VAMP1: variants seen among roughly 807,000 people sequenced by gnomAD.
VAMP1 encodes the protein vesicle associated membrane protein 1, also known as vesicle-associated membrane protein 1.
In VAMP1, 16 loss-of-function variants were observed where a neutral mutation model predicts 19.1. The observed-to-expected ratio is 0.84, with a 90% CI of 0.57 to 1.27. VAMP1 has a LOEUF of 1.27. VAMP1 is among the 50% of genes most tolerant of loss of function. The pLI is 0.00. For missense variants in VAMP1, 109 were observed against 145.4 expected, an observed-to-expected ratio of 0.75 and a Z score of 1.29; for synonymous variants, 37 against 50.2, an observed-to-expected ratio of 0.74 and a Z score of 1.11.
chr12:6,468,919 A>T (rs921933282), intron 1 of VAMP1, among the ~76,000 whole-genome samples: 2 of 152,246 alleles, frequency 1.3e-5, no homozygotes, highest in Non-Finnish European at 1.5e-5. Context: ...AACATACTTC[A>T]CAGGAGCAGT....
rs1264769503 is a variant in VAMP1 at position 6,462,830 on chromosome 12, C to A, written c.*1640G>T. On this transcript the variant is annotated 3_prime_UTR_variant, in exon 5 of 5. Coordinates refer to ENST00000396308, the MANE Select transcript of VAMP1 (RefSeq NM_014231.5). ...GGGTACTGACTGCTTTCTTCCAGCT[C>A]TTCAGTCCCGCCCTTGGGCAGGACG... The A allele has an allele frequency of 6.2e-7, 1 of 1,606,046 alleles. No individual in the cohort carries two copies. The highest frequency in any genetic ancestry group is 8.5e-7 in the Non-Finnish European group (1 of 1,176,132).
Position 6,463,472 on chromosome 12 carries a change from A to G in VAMP1, c.*998T>C, listed in dbSNP as rs1215299977. On this transcript the variant is annotated 3_prime_UTR_variant, in exon 5 of 5. Transcript: ENST00000396308. The surrounding 1 kb of genome is among the most constrained non-coding windows in gnomAD (Gnocchi z 4.0). ...TTCCATGGGTGTCCAAAGATCTCAC[A>G]CTGCTAACACCCTCACGCTCCTTCA... The G allele has an allele frequency of 1.1e-5, 11 of 1,039,892 alleles. No homozygotes were observed. Among genetic ancestry groups the G allele is most frequent in the Non-Finnish European group, 1.3e-5 (11 of 861,964 alleles). The allele number at this position is 1,039,892 out of a possible 1,614,324, so 64.4% of individuals were successfully genotyped here. A position where few individuals can be genotyped will look rare whatever the true frequency, so the allele number is the denominator to read the frequency against.
Position 6,462,679 on chromosome 12 carries a change from G to T in VAMP1, c.*1791C>A, listed in dbSNP as rs962302460. On this transcript the variant is annotated 3_prime_UTR_variant, in exon 5 of 5. Transcript: ENST00000396308. ...TGTGATAGGGCTGGGAGAGCCAAGAGGACGGATTCGCTCCAGGCTTGGGAC... is the reference window on the plus strand; with the variant it reads ...TGTGATAGGGCTGGGAGAGCCAAGATGACGGATTCGCTCCAGGCTTGGGAC... The T allele has an allele frequency of 8.5e-6, 7 of 825,180 alleles. No individual in the cohort carries two copies. In the African/African-American group the frequency reaches 8.7e-5, roughly 10 times the overall value. 51.1% of individuals were successfully genotyped at this position (825,180 alleles called of 1,614,324 possible).
chr12:6,470,383 G>T, intron 1 of VAMP1, 147 bp downstream of exon 1: 2 of 1,217,160 alleles, frequency 1.6e-6, no homozygotes, highest in Admixed American at 2.0e-5. Context: ...CCTCCCTGGG[G>T]GTGGCCCGGT....
chr12:6,466,319 G>T lies in VAMP1; in HGVS notation c.35C>A (p.Thr12Lys). The T allele has an allele frequency of 6.2e-7, 1 of 1,614,092 alleles. No individual in the cohort carries two copies. ...ACCCCCACCTGGGGCAGTCCCTTCT[G>T]TCCCTTCAGCAGGTGGCTGAGCTGG... ...SAPAQPPAEG[T>K]EGTAPGGGPP... Residue 12 changes from threonine (T) to lysine (K), a missense_variant, in exon 2 of 5, where the codon ACA becomes AAA. Thr to Lys is a moderately conservative substitution (Grantham distance 78). Transcript: ENST00000396308.
intron 3 of VAMP1, chr12:6,465,455 T>TATAA (rs1949997383): frequency 3.4e-5 from 4 of 117,704 alleles, no homozygotes; most frequent in African/African-American, 1.6e-4. Flanking sequence ...TATATACATA[T>TATAA]GTGTATATAT....
At position 6,470,638 on chromosome 12, in the gene VAMP1, G is replaced by C. The variant is rs1041466133; in HGVS notation, c.-107C>G. Reference sequence around the variant, plus strand: ...GGACGGAACTGCCAAGCTCCGCCTCGCGCCGACTACCCCGCGGTCTAGCTG... The same window carrying C: ...GGACGGAACTGCCAAGCTCCGCCTCCCGCCGACTACCCCGCGGTCTAGCTG... On this transcript the variant is annotated 5_prime_UTR_variant, in exon 1 of 5. Coordinates refer to ENST00000396308, the MANE Select transcript of VAMP1 (RefSeq NM_014231.5). 9.5e-6 allele frequency: 14 copies of C among 1,478,628 alleles called. No individual in the cohort carries two copies. The highest frequency in any genetic ancestry group is 9.3e-5 in the South Asian group (8 of 86,202). The allele number at this position is 1,478,628 out of a possible 1,614,324, so 91.6% of individuals were successfully genotyped here.
Position 6,462,470 on chromosome 12 carries a change from G to C in VAMP1, c.*2000C>G. ...AAGCTCAGCTTCATTTGACTGCAAA[G>C]TCCCAGGGTTTTGTTGCACATTTGC... On this transcript the variant is annotated 3_prime_UTR_variant, in exon 5 of 5. Transcript: ENST00000396308. The C allele has an allele frequency of 2.0e-6, 1 of 499,854 alleles. No homozygotes were observed. The highest frequency in any genetic ancestry group is 3.6e-6 in the Non-Finnish European group (1 of 281,194). 31.0% of individuals were successfully genotyped at this position (499,854 alleles called of 1,614,324 possible). A position where few individuals can be genotyped will look rare whatever the true frequency, so the allele number is the denominator to read the frequency against.
In VAMP1 at chr12:6,463,927, A is replaced by G; in HGVS notation, c.*543T>C. 7.8e-7 allele frequency: 1 copy of G among 1,288,282 alleles called. No individual in the cohort carries two copies. Among genetic ancestry groups the G allele is most frequent in the Non-Finnish European group, 1.0e-6 (1 of 988,538 alleles). The allele number at this position is 1,288,282 out of a possible 1,614,324, so 79.8% of individuals were successfully genotyped here. A position where few individuals can be genotyped will look rare whatever the true frequency, so the allele number is the denominator to read the frequency against. ...CAAAAAACAAGTTTTTACTTTCGAA[A>G]AGGGTACTGCACTGAAACCAAGTTG... On this transcript the variant is annotated 3_prime_UTR_variant, in exon 5 of 5. Transcript: ENST00000396308. The surrounding 1 kb of genome is among the most constrained non-coding windows in gnomAD (Gnocchi z 4.0).
At chr12:6,466,032 C>A (rs1318366501) in intron 2 of VAMP1, 32 bp from the exon 3 acceptor site, 2 of 1,613,462 alleles carry the variant, frequency 1.2e-6, no homozygotes, top group African/African-American at 2.7e-5. Context: ...AGCAGCTAAG[C>A]TTCCTGCCAG....
In VAMP1 at chr12:6,465,999, AC is replaced by A; in HGVS notation, c.130del (p.Val44TrpfsTer7). On this transcript the variant is annotated frameshift_variant and splice_region_variant, in exon 3 of 5. Transcript: ENST00000396308. LOFTEE classifies it high-confidence loss of function. ...LQQTQAQVEE[V>X]VDIIRVNVDK... ...CACGTTCACACGTATGATGTCCACC[AC>A]CTGAGGAGGGCACAGAAACAAAGCA... 1 of 1,614,184 alleles carries A rather than the reference AC, an allele frequency of 6.2e-7. No individual in the cohort carries two copies. The highest frequency in any genetic ancestry group is 8.5e-7 in the Non-Finnish European group (1 of 1,180,002).
At chr12:6,470,188 C>T (rs920052579) in intron 1 of VAMP1, among the ~76,000 whole-genome samples, 21 of 152,132 alleles carry the variant, frequency 1.4e-4, no homozygotes, top group Non-Finnish European at 4.4e-5. Context: ...CTTTCGAGTC[C>T]CCTGCCCAGT....
At position 6,463,726 on chromosome 12, in the gene VAMP1, T is replaced by A; in HGVS notation, c.*744A>T. Reference sequence around the variant, plus strand: ...CCCTCATACAGAATGCTGTAGAAAATGTAAAGAAGAGAAAGCTCCTTCCAG... The same window carrying A: ...CCCTCATACAGAATGCTGTAGAAAAAGTAAAGAAGAGAAAGCTCCTTCCAG... On this transcript the variant is annotated 3_prime_UTR_variant, in exon 5 of 5. Coordinates refer to ENST00000396308, the MANE Select transcript of VAMP1 (RefSeq NM_014231.5). This position sits in a 1 kb window ranked among gnomAD's most constrained non-coding sequence, Gnocchi z 4.0. The A allele has an allele frequency of 8.7e-7, 1 of 1,151,514 alleles. No homozygotes were observed. The highest frequency in any genetic ancestry group is 1.1e-6 in the Non-Finnish European group (1 of 924,632). The allele number at this position is 1,151,514 out of a possible 1,614,324, so 71.3% of individuals were successfully genotyped here.
At position 6,470,379 on chromosome 12, in the gene VAMP1, T is replaced by TG. The variant is rs1243200778; in HGVS notation, c.2+150dup. On this transcript the variant is annotated intron_variant, in intron 1 of 4. Coordinates refer to ENST00000396308, the MANE Select transcript of VAMP1 (RefSeq NM_014231.5). ...AGAATGGGGTGCTGGCCCCCCTCCC[T>TG]GGGGGTGGCCCGGTCCGGAAGCGGC... 5 of 1,191,924 alleles carry TG rather than the reference T, an allele frequency of 4.2e-6. No individual in the cohort carries two copies. The East Asian group carries it at 1.3e-4, about 31-fold the overall frequency. The allele number at this position is 1,191,924 out of a possible 1,614,324, so 73.8% of individuals were successfully genotyped here.
chr12:6,470,466 A>T, intron 1 of VAMP1, 64 bp downstream of exon 1: 2 of 1,610,968 alleles, frequency 1.2e-6, no homozygotes, highest in South Asian at 1.1e-5. Flanking sequence ...CGTCCCGCAG[A>T]ATCGGGAGCT....
In VAMP1 at chr12:6,464,059, C is replaced by T; in HGVS notation, c.*411G>A. 3 of 1,299,038 alleles carry T rather than the reference C, an allele frequency of 2.3e-6. No homozygotes were observed. The highest frequency in any genetic ancestry group is 3.0e-6 in the Non-Finnish European group (3 of 995,338). The allele number at this position is 1,299,038 out of a possible 1,614,324, so 80.5% of individuals were successfully genotyped here. A position where few individuals can be genotyped will look rare whatever the true frequency, so the allele number is the denominator to read the frequency against. On this transcript the variant is annotated 3_prime_UTR_variant, in exon 5 of 5. Transcript: ENST00000396308. ...TGCCATCTTCCCAGCCCCTCCCTAGCTCCTACCAGTGGCCAGGTTTTCTAG... is the reference window on the plus strand; with the variant it reads ...TGCCATCTTCCCAGCCCCTCCCTAGTTCCTACCAGTGGCCAGGTTTTCTAG...
intron 1 of VAMP1, chr12:6,466,789 G>A (rs1052020747): frequency 3.6e-5 from 6 of 168,606 alleles, no homozygotes; most frequent in African/African-American, 1.4e-4. Context: ...TGGCTACAGG[G>A]ACATATGGCC....
chr12:6,465,828 A>G lies in VAMP1; in HGVS notation c.288+14T>C, dbSNP rs1422128793. On this transcript the variant is annotated intron_variant, in intron 3 of 4. Transcript: ENST00000396308. ...AGCCCAGGAAAAGATGGAGGAGGGG[A>G]CAAGAAAATTCACCTTGCAGTTTTT... The G allele has an allele frequency of 6.2e-7, 1 of 1,613,378 alleles. No homozygotes were observed. Among genetic ancestry groups the G allele is most frequent in the African/African-American group, 1.3e-5 (1 of 74,906 alleles).
chr12:6,464,971 T>C, intron 3 of VAMP1, 30 bp from the exon 4 acceptor site: 2 of 1,612,500 alleles, frequency 1.2e-6, no homozygotes, highest in Middle Eastern at 1.7e-4. Flanking sequence ...AAATGAGCCC[T>C]TGGATTTCAG....
Sources: gnomAD v4.1 joint callset for allele counts (sites outside exome capture counted in the v4.1 genomes callset) on GRCh38, gnomAD v4.1.1 for gene constraint, Gnocchi (gnomAD v3.1) non-coding constraint, MANE v1.5 for transcripts, NCBI Gene and HGNC (gene_info 2026-07-23, HGNC 2026-07-21) for gene names.